SPAG16: variants seen among roughly 807,000 people sequenced by gnomAD.
The protein encoded by SPAG16 is sperm associated antigen 16.
Under a neutral mutation model 80.4 loss-of-function variants are expected in SPAG16, and 86 were observed. The observed-to-expected ratio is 1.07, with a 90% confidence interval of 0.90 to 1.28. The LOEUF (loss-of-function observed/expected upper bound fraction) is 1.28, where lower values mean the gene tolerates loss of function less well. Among genes scored for constraint, SPAG16 ranks in the 50% most tolerant of loss-of-function variants. The pLI is 0.00. For missense variants in SPAG16, 870 were observed against 765.3 expected (o/e 1.14, Z -1.61); for synonymous variants, 294 against 265.9 (o/e 1.11, Z -1.03).
At chr2:213,821,493 A>G (rs1025899185) in intron 10 of SPAG16, among the ~76,000 whole-genome samples, 5 of 152,154 alleles carry the variant, frequency 3.3e-5, no homozygotes, top group African/African-American at 9.7e-5. Context: ...ATGCATAAGT[A>G]ATAATCACAT....
chr2:214,250,757 T>TAGAGAGAGAGAGAGAGAG (rs1171199832), intron 15 of SPAG16, among the ~76,000 whole-genome samples: 1 of 91,280 alleles, frequency 1.1e-5, no homozygotes, highest in Non-Finnish European at 2.1e-5. Flanking sequence ...TATATATATA[T>TAGAGAGAGAGAGAGAGAG]AGAGAGAGAG....
At chr2:214,108,468 CACACACACA>C (rs1272897238) in intron 14 of SPAG16, among the ~76,000 whole-genome samples, 1 of 89,136 alleles carries the variant, frequency 1.1e-5, no homozygotes, top group Non-Finnish European at 2.3e-5. Context: ...CACACACACA[CACACACACA>C]CACCCCCACA....
At chr2:213,722,065 C>A (rs1269856629) in intron 10 of SPAG16, among the ~76,000 whole-genome samples, 6 of 152,274 alleles carry the variant, frequency 3.9e-5, no homozygotes, top group Non-Finnish European at 1.5e-5. Context: ...TAAGACATGT[C>A]TTGTGCCCTC....
intron 9 of SPAG16, among the ~76,000 whole-genome samples, chr2:213,452,244 G>GT (rs2071742813): frequency 6.6e-6 from 1 of 152,088 alleles, no homozygotes; most frequent in African/African-American, 2.4e-5. Context: ...TAGAAAGAAA[G>GT]TTTTCTGCCA....
chr2:214,277,492 A>T (rs11681148), intron 15 of SPAG16, among the ~76,000 whole-genome samples: 24,895 of 151,806 alleles, frequency 0.16, 2,394 homozygotes, highest in Admixed American at 0.25. Context: ...CTTTTTCTTG[A>T]TGTTGATGCT....
At chr2:214,203,423 G>A (rs1274980257) in intron 15 of SPAG16, among the ~76,000 whole-genome samples, 3 of 152,204 alleles carry the variant, frequency 2.0e-5, no homozygotes, top group African/African-American at 4.8e-5. Context: ...CCAGAAAGCC[G>A]AGAGAATCCA....
chr2:214,061,981 G>GCACA (rs58582439), intron 13 of SPAG16, among the ~76,000 whole-genome samples: 16,650 of 111,452 alleles, frequency 0.15, 1,038 homozygotes, highest in Middle Eastern at 0.18. Flanking sequence ...ATAAAAGCAT[G>GCACA]CACACACACA....
At chr2:213,728,613 C>T (rs535537604) in intron 10 of SPAG16, among the ~76,000 whole-genome samples, 118 of 152,178 alleles carry the variant, frequency 7.8e-4, no homozygotes, top group Non-Finnish European at 1.4e-3. Context: ...CGGTGGCTCA[C>T]GCCTGTAATC....
At chr2:213,996,903 C>T (rs1037281907) in intron 12 of SPAG16, among the ~76,000 whole-genome samples, 2 of 152,098 alleles carry the variant, frequency 1.3e-5, no homozygotes, top group Non-Finnish European at 2.9e-5. Context: ...ATTGCCCTTT[C>T]TAGGTTTGCC....
At chr2:213,838,249 G>T (rs971329666) in intron 10 of SPAG16, among the ~76,000 whole-genome samples, 2 of 152,088 alleles carry the variant, frequency 1.3e-5, no homozygotes, top group Non-Finnish European at 2.9e-5. Flanking sequence ...TTGACTCACC[G>T]CAACCTCTGC....
At chr2:214,303,799 T>A (rs1166652665) in intron 15 of SPAG16, among the ~76,000 whole-genome samples, 2 of 152,218 alleles carry the variant, frequency 1.3e-5, no homozygotes, top group African/African-American at 2.4e-5. Context: ...TTTTTTTTCC[T>A]TTTTAAATTT....
chr2:213,588,701 C>G (rs1350140866), intron 10 of SPAG16, among the ~76,000 whole-genome samples: 1 of 148,298 alleles, frequency 6.7e-6, no homozygotes, highest in Non-Finnish European at 1.5e-5. Context: ...ACTCGGGAGG[C>G]TGAGGCAGGA....
chr2:214,031,916 T>G (rs1575895076), intron 13 of SPAG16, among the ~76,000 whole-genome samples: 1 of 152,294 alleles, frequency 6.6e-6, no homozygotes, highest in East Asian at 1.9e-4. Context: ...TCTGCCCCCA[T>G]GATCCAGTCA....
intron 3 of SPAG16, among the ~76,000 whole-genome samples, chr2:213,302,038 A>G (rs187297763): frequency 6.6e-6 from 1 of 152,262 alleles, no homozygotes; most frequent in Admixed American, 6.5e-5. Context: ...TATTGTTGCA[A>G]TCATAACACA....
At chr2:213,345,709 C>A (rs2064939838) in intron 6 of SPAG16, among the ~76,000 whole-genome samples, 1 of 148,182 alleles carries the variant, frequency 6.7e-6, no homozygotes, top group Admixed American at 6.8e-5. Context: ...GGCATTATTT[C>A]TGAGGGCTCT....
chr2:214,337,604 A>G (rs756931524), intron 15 of SPAG16, among the ~76,000 whole-genome samples: 2 of 152,162 alleles, frequency 1.3e-5, no homozygotes, highest in Non-Finnish European at 2.9e-5. Context: ...GAACAATAAA[A>G]CCAACAGACC....
chr2:214,392,492 C>A (rs1295473271), intron 15 of SPAG16, among the ~76,000 whole-genome samples: 1 of 152,080 alleles, frequency 6.6e-6, no homozygotes, highest in East Asian at 1.9e-4. Flanking sequence ...TCCTCAAGAA[C>A]CCCCAGAAGG....
At chr2:213,900,653 G>A (rs2077182920) in intron 11 of SPAG16, among the ~76,000 whole-genome samples, 2 of 152,026 alleles carry the variant, frequency 1.3e-5, no homozygotes, top group African/African-American at 4.8e-5. Context: ...TATCTATTTA[G>A]ACTAATTGTT....
intron 15 of SPAG16, among the ~76,000 whole-genome samples, chr2:214,312,463 T>A (rs1021199630): frequency 1.3e-5 from 2 of 152,318 alleles, no homozygotes; most frequent in African/African-American, 4.8e-5. Flanking sequence ...ATTCTCAAGG[T>A]GTACATGGAC....
Sources: gnomAD v4.1 joint callset for allele counts (sites outside exome capture counted in the v4.1 genomes callset) on GRCh38, gnomAD v4.1.1 for gene constraint, MANE v1.5 for transcripts, NCBI Gene and HGNC (gene_info 2026-07-23, HGNC 2026-07-21) for gene names.